Variants in SLC9A9 observed in about 807,000 individuals in gnomAD.
The protein encoded by SLC9A9 is sodium/hydrogen exchanger 9.
SLC9A9 carries 62 observed loss-of-function variants against 77.8 expected under a neutral mutation model. The observed-to-expected ratio is 0.80, with a 90% CI of 0.65 to 0.98. SLC9A9 has a LOEUF of 0.98. Among genes scored for constraint, SLC9A9 ranks in the 50% least tolerant of loss-of-function variants. The pLI, the probability that SLC9A9 is intolerant of heterozygous loss-of-function variation, is 0.00. For missense variants in SLC9A9, 775 were observed against 774.9 expected, an observed-to-expected ratio of 1.00 and a Z score of 0.00; for synonymous variants, 320 against 283.5, an observed-to-expected ratio of 1.13 and a Z score of -1.29.
chr3:143,526,507 AC>A (rs2036408049), intron 9 of SLC9A9, among the ~76,000 whole-genome samples: 2 of 152,136 alleles, frequency 1.3e-5, no homozygotes, highest in African/African-American at 4.8e-5. Flanking sequence ...AAAGAAACAG[AC>A]CTGCCCCTAA....
chr3:143,683,327 A>G (rs943603933), intron 5 of SLC9A9, among the ~76,000 whole-genome samples: 1 of 152,158 alleles, frequency 6.6e-6, no homozygotes, highest in Admixed American at 6.6e-5. Flanking sequence ...ACTTTCACTT[A>G]CAGAAATATG....
At chr3:143,404,123 GTTA>G (rs1309432956) in intron 12 of SLC9A9, among the ~76,000 whole-genome samples, 1 of 149,390 alleles carries the variant, frequency 6.7e-6, no homozygotes, top group African/African-American at 2.5e-5. Flanking sequence ...TTTTTCATTT[GTTA>G]TTATACTTTC....
chr3:143,446,927 T>C (rs2034857450), intron 12 of SLC9A9, among the ~76,000 whole-genome samples: 1 of 151,214 alleles, frequency 6.6e-6, no homozygotes, highest in African/African-American at 2.5e-5. Context: ...CACAATCATA[T>C]GTGTATGTAC....
intron 9 of SLC9A9, among the ~76,000 whole-genome samples, chr3:143,518,441 CAA>C (rs939409022): frequency 6.6e-6 from 1 of 152,192 alleles, no homozygotes; most frequent in African/African-American, 2.4e-5. Context: ...CTCATACAGT[CAA>C]AGAGAAATAA....
At chr3:143,597,070 T>C (rs1264113115) in intron 6 of SLC9A9, among the ~76,000 whole-genome samples, 5 of 151,992 alleles carry the variant, frequency 3.3e-5, no homozygotes, top group Admixed American at 6.6e-5. Context: ...CCAGAACATA[T>C]AGCATGAGCC....
At chr3:143,335,885 C>A (rs929497275) in intron 14 of SLC9A9, among the ~76,000 whole-genome samples, 5 of 151,992 alleles carry the variant, frequency 3.3e-5, no homozygotes, top group Non-Finnish European at 7.4e-5. Flanking sequence ...AAAGCACAGA[C>A]AATAAATGCA....
At chr3:143,843,588 A>G (rs1028663569) in intron 1 of SLC9A9, among the ~76,000 whole-genome samples, 1 of 152,196 alleles carries the variant, frequency 6.6e-6, no homozygotes, top group Non-Finnish European at 1.5e-5. Context: ...AATTCAGACT[A>G]ACTTCTATGG....
chr3:143,768,207 AG>A (rs941123126), intron 4 of SLC9A9, among the ~76,000 whole-genome samples: 89 of 152,242 alleles, frequency 5.8e-4, no homozygotes, highest in African/African-American at 2.0e-3. Context: ...ATTCTCAGCG[AG>A]GGGGAAAATC....
intron 4 of SLC9A9, among the ~76,000 whole-genome samples, chr3:143,756,928 T>C (rs760052511): frequency 6.6e-6 from 1 of 152,198 alleles, no homozygotes; most frequent in Non-Finnish European, 1.5e-5. Flanking sequence ...TTTTTAATTG[T>C]GCTGTTACTG....
chr3:143,321,097 A>G (rs991480848), intron 14 of SLC9A9, among the ~76,000 whole-genome samples: 6 of 152,230 alleles, frequency 3.9e-5, no homozygotes, highest in African/African-American at 1.4e-4. Context: ...CATTTCAAAC[A>G]TCTAGCCTTT....
intron 12 of SLC9A9, among the ~76,000 whole-genome samples, chr3:143,417,791 G>T (rs2034224432): frequency 6.6e-6 from 1 of 152,036 alleles, no homozygotes; most frequent in Admixed American, 6.5e-5. Context: ...TTCTGTTCTG[G>T]AAGTCCGAGA....
chr3:143,630,231 T>C (rs2038399294), intron 6 of SLC9A9, among the ~76,000 whole-genome samples: 1 of 152,174 alleles, frequency 6.6e-6, no homozygotes, highest in African/African-American at 2.4e-5. Flanking sequence ...AGATTTCACA[T>C]TTATTTAAAT....
intron 5 of SLC9A9, among the ~76,000 whole-genome samples, chr3:143,659,931 G>A (rs911504090): frequency 6.6e-6 from 1 of 152,118 alleles, no homozygotes; most frequent in Non-Finnish European, 1.5e-5. Context: ...CAAGTCTCAC[G>A]AGCTCTGAGG....
At chr3:143,706,512 A>G (rs1933982232) in intron 4 of SLC9A9, among the ~76,000 whole-genome samples, 1 of 152,220 alleles carries the variant, frequency 6.6e-6, no homozygotes, top group African/African-American at 2.4e-5. Context: ...TGATGCAGTC[A>G]ATTTGATGGC....
chr3:143,383,160 G>A (rs548382879), intron 12 of SLC9A9, among the ~76,000 whole-genome samples: 3 of 152,188 alleles, frequency 2.0e-5, no homozygotes, highest in Non-Finnish European at 2.9e-5. Context: ...ATGATTAGAA[G>A]AATTTTCAAC....
At chr3:143,711,074 A>C (rs919119332) in intron 4 of SLC9A9, among the ~76,000 whole-genome samples, 2 of 152,240 alleles carry the variant, frequency 1.3e-5, no homozygotes, top group African/African-American at 4.8e-5. Flanking sequence ...AGATAGAATG[A>C]ACAATTTATC....
chr3:143,529,924 C>T (rs946397542), intron 9 of SLC9A9, among the ~76,000 whole-genome samples: 1 of 152,122 alleles, frequency 6.6e-6, no homozygotes, highest in Non-Finnish European at 1.5e-5. Context: ...GAAGCCACTC[C>T]TATGACTCTA....
At chr3:143,719,946 C>T (rs967422495) in intron 4 of SLC9A9, among the ~76,000 whole-genome samples, 13 of 152,076 alleles carry the variant, frequency 8.5e-5, no homozygotes, top group Non-Finnish European at 1.8e-4. Flanking sequence ...ACGATTGCTC[C>T]CACTATTGAG....
intron 6 of SLC9A9, among the ~76,000 whole-genome samples, chr3:143,603,498 G>A (rs1014110506): frequency 1.3e-5 from 2 of 152,134 alleles, no homozygotes; most frequent in African/African-American, 4.8e-5. Flanking sequence ...TATTCTCTCT[G>A]GGGAAAGCAA....
Sources: allele counts gnomAD v4.1 joint callset (sites outside exome capture counted in the v4.1 genomes callset), GRCh38; gene constraint gnomAD v4.1.1; transcripts MANE v1.5; gene names NCBI Gene and HGNC (gene_info 2026-07-23, HGNC 2026-07-21).